The following RBFOX1 variants were observed in gnomAD, a reference collection of about 807,000 sequenced individuals.
The protein encoded by RBFOX1 is RNA binding fox-1 homolog 1, also known as RNA binding protein fox-1 homolog 1.
A neutral mutation model predicts 57.7 loss-of-function variants in RBFOX1; 8 were observed. The ratio of observed to expected loss-of-function variants is 0.14; its 90% CI spans 0.08 to 0.25. RBFOX1 has a LOEUF of 0.25. Ranked by LOEUF, RBFOX1 falls within the 10% of genes least tolerant of loss-of-function variation. The probability of loss-of-function intolerance (pLI) is 1.00; values close to 1 mark genes in which losing one functional copy is unlikely to be tolerated. For synonymous variants in RBFOX1, 326 were observed against 222.4 expected (o/e 1.47, Z -4.15); for missense variants, 611 against 548.5 (o/e 1.11, Z -1.14).
chr16:6,005,966 G>A (rs2094924928), intron 4 of RBFOX1, among the ~76,000 whole-genome samples: 1 of 152,328 alleles, frequency 6.6e-6, no homozygotes, highest in South Asian at 2.1e-4. Context: ...AGACTGTATA[G>A]CAGACAAGGC....
chr16:6,407,828 A>G (rs1013694709), intron 2 of RBFOX1, among the ~76,000 whole-genome samples: 5 of 152,152 alleles, frequency 3.3e-5, no homozygotes, highest in African/African-American at 4.8e-5. Context: ...CGCAGCATAC[A>G]TGGACCGTAG....
chr16:7,061,421 C>G (rs758430910), intron 4 of RBFOX1, among the ~76,000 whole-genome samples: 23 of 152,262 alleles, frequency 1.5e-4, no homozygotes, highest in Middle Eastern at 3.4e-3. Flanking sequence ...ATTTTAATTT[C>G]TCCAACTTCA....
chr16:6,741,048 G>A (rs1379511302), intron 3 of RBFOX1, among the ~76,000 whole-genome samples: 2 of 152,132 alleles, frequency 1.3e-5, no homozygotes, highest in African/African-American at 2.4e-5. Context: ...GGGAAGAGAA[G>A]ACACTGAAAT....
At chr16:6,311,008 T>C (rs2080209147) in intron 1 of RBFOX1, among the ~76,000 whole-genome samples, 1 of 152,010 alleles carries the variant, frequency 6.6e-6, no homozygotes, top group Non-Finnish European at 1.5e-5. Flanking sequence ...TTTAGAACTA[T>C]TGGCTTGCCT....
In RBFOX1 at chr16:7,073,357, C is replaced by T. The variant is rs181737726; in HGVS notation, c.27+21259C>T. ...CATGGCCCATGACTGTAGACAAATC[C>T]TAAGAAGATCTTCCCAACAAAGCAT... On this transcript the variant is annotated intron_variant, in intron 4 of 15. Coordinates refer to ENST00000550418, the MANE Select transcript of RBFOX1 (RefSeq NM_018723.4). Among the ~76,000 whole-genome samples, 254 of 152,268 alleles carry T rather than the reference C, an allele frequency of 1.7e-3. 1 individual carries two copies. The highest frequency in any genetic ancestry group is 5.5e-3 in the African/African-American group (229 of 41,552).
intron 3 of RBFOX1, among the ~76,000 whole-genome samples, chr16:6,899,522 A>G (rs35942151): frequency 0.17 from 26,230 of 152,178 alleles, 2,388 homozygotes; most frequent in South Asian, 0.28. Flanking sequence ...GAAAGGAATG[A>G]GTTTATATTT....
intron 3 of RBFOX1, among the ~76,000 whole-genome samples, chr16:6,949,963 T>G (rs1053966144): frequency 1.3e-5 from 2 of 151,752 alleles, no homozygotes; most frequent in African/African-American, 4.8e-5. Context: ...TTGTTGTTTT[T>G]TGGTACAGAG....
chr16:6,739,501 C>T (rs2071408280), intron 3 of RBFOX1, among the ~76,000 whole-genome samples: 1 of 133,018 alleles, frequency 7.5e-6, no homozygotes. Flanking sequence ...CCAAGGGAAT[C>T]TCCGGTCTAA....
intron 4 of RBFOX1, among the ~76,000 whole-genome samples, chr16:6,002,435 T>A (rs2060618084): frequency 1.3e-5 from 2 of 152,220 alleles, no homozygotes; most frequent in African/African-American, 4.8e-5. Flanking sequence ...AAGACTCACT[T>A]TCCACATGGC....
chr16:5,559,013 C>A (rs183889242), intron 2 of RBFOX1, among the ~76,000 whole-genome samples: 1 of 151,858 alleles, frequency 6.6e-6, no homozygotes, highest in East Asian at 1.9e-4. Context: ...TTTGAAATAC[C>A]CTGAAACCAT....
intron 5 of RBFOX1, among the ~76,000 whole-genome samples, chr16:7,552,413 AC>A (rs2086839111): frequency 6.6e-6 from 1 of 152,106 alleles, no homozygotes; most frequent in Admixed American, 6.5e-5. Flanking sequence ...ACTTCAGAAG[AC>A]CTTTTCTGGA....
At chr16:5,559,681 G>A (rs532393228) in intron 2 of RBFOX1, among the ~76,000 whole-genome samples, 1 of 152,226 alleles carries the variant, frequency 6.6e-6, no homozygotes, top group South Asian at 2.1e-4. Flanking sequence ...TTTCCCCTTG[G>A]AATGTAAATA....
intron 1 of RBFOX1, among the ~76,000 whole-genome samples, chr16:5,314,332 G>C (rs1462499809): frequency 6.6e-6 from 1 of 152,128 alleles, no homozygotes; most frequent in African/African-American, 2.4e-5. Context: ...TGGAGAGGGG[G>C]AGTGGTAGAC....
intron 3 of RBFOX1, among the ~76,000 whole-genome samples, chr16:6,788,667 G>C (rs2082381706): frequency 6.6e-6 from 1 of 151,770 alleles, no homozygotes; most frequent in Non-Finnish European, 1.5e-5. Flanking sequence ...AGTAGAGACG[G>C]GGTTTCACCG....
At chr16:6,447,152 T>G (rs1455794517) in intron 2 of RBFOX1, among the ~76,000 whole-genome samples, 23 of 152,218 alleles carry the variant, frequency 1.5e-4, no homozygotes, top group Admixed American at 1.5e-3. Context: ...ATTGGACTTT[T>G]TTTCCTTCAA....
At chr16:7,677,150 C>CACACACACAT (rs2146456131) in intron 14 of RBFOX1, among the ~76,000 whole-genome samples, 1 of 151,832 alleles carries the variant, frequency 6.6e-6, no homozygotes, top group East Asian at 1.9e-4. Flanking sequence ...CACACACACA[C>CACACACACAT]ACACACACAC....
At chr16:7,497,587 AAAC>A (rs1232282666) in intron 4 of RBFOX1, among the ~76,000 whole-genome samples, 2 of 152,208 alleles carry the variant, frequency 1.3e-5, no homozygotes, top group Non-Finnish European at 2.9e-5. Context: ...ATTAATGCAA[AAAC>A]AAATGCTTAT....
intron 3 of RBFOX1, among the ~76,000 whole-genome samples, chr16:6,797,363 G>C (rs993167669): frequency 6.6e-6 from 1 of 152,132 alleles, no homozygotes; most frequent in Admixed American, 6.5e-5. Flanking sequence ...GAAGCAGAGA[G>C]TGGAGATTAT....
chr16:5,257,368 G>A (rs1424671086), intron 1 of RBFOX1, among the ~76,000 whole-genome samples: 1 of 152,128 alleles, frequency 6.6e-6, no homozygotes, highest in Non-Finnish European at 1.5e-5. Flanking sequence ...AACCTGGGCA[G>A]GTTTACCTCT....
Sources: allele counts gnomAD v4.1 joint callset (sites outside exome capture counted in the v4.1 genomes callset), GRCh38; gene constraint gnomAD v4.1.1; transcripts MANE v1.5; gene names NCBI Gene and HGNC (gene_info 2026-07-23, HGNC 2026-07-21).